Variants in SNX32 observed in about 807,000 individuals in gnomAD.
SNX32 encodes sorting nexin 32, also known as sorting nexin-32.
SNX32 carries 58 observed loss-of-function variants against 57.0 expected under a neutral mutation model. The observed-to-expected ratio is 1.02, with a 90% CI of 0.82 to 1.27. SNX32 has a LOEUF of 1.27. Ranked by LOEUF, SNX32 falls within the 50% of genes most tolerant of loss-of-function variation. SNX32 has a pLI of 0.00. For missense variants in SNX32, 589 were observed against 541.2 expected, an observed-to-expected ratio of 1.09 and a Z score of -0.88; for synonymous variants, 262 against 220.4, an observed-to-expected ratio of 1.19 and a Z score of -1.67.
At chr11:65,849,090 G>A (rs572378331) in intron 1 of SNX32, among the ~76,000 whole-genome samples, 1 of 152,290 alleles carries the variant, frequency 6.6e-6, no homozygotes, top group Non-Finnish European at 1.5e-5. Context: ...GTTGCAGTGA[G>A]CTGAGATCGC....
At position 65,852,570 on chromosome 11, in the gene SNX32, G is replaced by GC. The variant is rs746391168; in HGVS notation, c.912+20dup. On this transcript the variant is annotated intron_variant, in intron 10 of 12. Coordinates refer to ENST00000308342, the MANE Select transcript of SNX32 (RefSeq NM_152760.3). ...AGCCAAGGTGAGAGGCAGCCCCAGC[G>GC]CAGCGCTCAGGCCCGGATGCCAGGA... 5 of 1,613,826 alleles carry GC rather than the reference G, an allele frequency of 3.1e-6. No homozygotes were observed. In the South Asian group the frequency reaches 5.5e-5, roughly 18 times the overall value.
intron 1 of SNX32, 27 bp from the exon 2 acceptor site, chr11:65,849,450 CA>C: frequency 6.4e-7 from 1 of 1,564,384 alleles, no homozygotes; most frequent in Non-Finnish European, 8.7e-7. Flanking sequence ...CATGCTCAGC[CA>C]GGCCAGAGAC....
At chr11:65,850,295 C>A (rs565487456) in intron 4 of SNX32, 24 bp downstream of exon 4, 24 of 1,613,974 alleles carry the variant, frequency 1.5e-5, no homozygotes, top group Non-Finnish European at 1.5e-5. Context: ...CCTTTCCCTG[C>A]CATCCCCAGA....
intron 9 of SNX32, among the ~76,000 whole-genome samples, chr11:65,852,254 C>T (rs1173876936): frequency 2.0e-5 from 3 of 152,148 alleles, no homozygotes; most frequent in East Asian, 3.9e-4. Context: ...CCCTCAGCGC[C>T]CTCTGTCCAG....
chr11:65,853,656 C>T lies in SNX32; in HGVS notation c.*321C>T, dbSNP rs1591044150. On this transcript the variant is annotated 3_prime_UTR_variant, in exon 13 of 13. Transcript: ENST00000308342. ...CTGAAGGAATCATAGCTCACTTGATCCCGGCCTGTTCTCCTTCGCAAATAA... is the reference window on the plus strand; with the variant it reads ...CTGAAGGAATCATAGCTCACTTGATTCCGGCCTGTTCTCCTTCGCAAATAA... 2.4e-6 allele frequency: 1 copy of T among 423,118 alleles called. No individual in the cohort carries two copies. Among genetic ancestry groups the T allele is most frequent in the Non-Finnish European group, 4.3e-6 (1 of 231,628 alleles). The allele number at this position is 423,118 out of a possible 1,614,324, so 26.2% of individuals were successfully genotyped here. A position where few individuals can be genotyped will look rare whatever the true frequency, so the allele number is the denominator to read the frequency against.
Position 65,833,973 on chromosome 11 carries a change from A to C in SNX32, c.-93A>C. Reference sequence around the variant, plus strand: ...GGGGAGAGCGTCCCCGTCAGCTGAGAGCATCCTCACTCGGTCAGTTCCTCG... The same window carrying C: ...GGGGAGAGCGTCCCCGTCAGCTGAGCGCATCCTCACTCGGTCAGTTCCTCG... On this transcript the variant is annotated 5_prime_UTR_variant, in exon 1 of 13. Transcript: ENST00000308342. 2 of 1,417,270 alleles carry C rather than the reference A, an allele frequency of 1.4e-6. No homozygotes were observed. Among genetic ancestry groups the C allele is most frequent in the Non-Finnish European group, 1.9e-6 (2 of 1,039,238 alleles). 87.8% of individuals were successfully genotyped at this position (1,417,270 alleles called of 1,614,324 possible). A position where few individuals can be genotyped will look rare whatever the true frequency, so the allele number is the denominator to read the frequency against.
intron 1 of SNX32, among the ~76,000 whole-genome samples, chr11:65,844,458 T>TAG (rs985394399): frequency 4.0e-5 from 6 of 148,746 alleles, no homozygotes; most frequent in Non-Finnish European, 7.4e-5. Flanking sequence ...AAATAATAAA[T>TAG]AGAGAGAGAG....
At chr11:65,851,492 G>A in intron 8 of SNX32, 89 bp downstream of exon 8, 2 of 1,532,402 alleles carry the variant, frequency 1.3e-6, no homozygotes, top group South Asian at 1.1e-5. Flanking sequence ...TCTACTGTCA[G>A]CTCTAGGTGG....
chr11:65,837,617 C>T (rs964780059), intron 1 of SNX32, among the ~76,000 whole-genome samples: 22 of 150,916 alleles, frequency 1.5e-4, no homozygotes, highest in African/African-American at 2.2e-4. Context: ...GTCAGGAGTT[C>T]GAGACCAGCC....
At chr11:65,849,096 A>G (rs953357096) in intron 1 of SNX32, among the ~76,000 whole-genome samples, 1 of 152,146 alleles carries the variant, frequency 6.6e-6, no homozygotes, top group African/African-American at 2.4e-5. Flanking sequence ...GTGAGCTGAG[A>G]TCGCGCCACT....
Position 65,853,406 on chromosome 11 carries a change from G to A in SNX32, c.*71G>A, listed in dbSNP as rs771460958. The A allele has an allele frequency of 1.9e-5, 28 of 1,482,290 alleles. No individual in the cohort carries two copies. The highest frequency in any genetic ancestry group is 3.4e-5 in the Admixed American group (2 of 59,670). The allele number at this position is 1,482,290 out of a possible 1,614,324, so 91.8% of individuals were successfully genotyped here. ...CAGGGTATCCCAGACCCCTCTCTCC[G>A]GCAAGATGTCTCCTTCCCTAGCAGT... On this transcript the variant is annotated 3_prime_UTR_variant, in exon 13 of 13. Coordinates refer to ENST00000308342, the MANE Select transcript of SNX32 (RefSeq NM_152760.3).
intron 1 of SNX32, among the ~76,000 whole-genome samples, chr11:65,836,055 G>A (rs1042397813): frequency 2.0e-5 from 3 of 152,090 alleles, no homozygotes; most frequent in African/African-American, 4.8e-5. Context: ...TATTTTTGCT[G>A]TATGTTCTGA....
intron 1 of SNX32, among the ~76,000 whole-genome samples, chr11:65,846,063 G>A (rs529346406): frequency 6.6e-6 from 1 of 152,332 alleles, no homozygotes; most frequent in Admixed American, 6.5e-5. Flanking sequence ...CCTGAGGTCA[G>A]GAGTTCAAGA....
chr11:65,849,610 G>T lies in SNX32; in HGVS notation c.141+28G>T, dbSNP rs755256787. On this transcript the variant is annotated intron_variant, in intron 2 of 12. Coordinates refer to ENST00000308342, the MANE Select transcript of SNX32 (RefSeq NM_152760.3). ...GAGGCAGTGCGGGGCACGAGGAAAGGTCCTGGTGGCTGCCCGCAGGAGGCC... is the reference window on the plus strand; with the variant it reads ...GAGGCAGTGCGGGGCACGAGGAAAGTTCCTGGTGGCTGCCCGCAGGAGGCC... 5.0e-6 allele frequency: 8 copies of T among 1,592,004 alleles called. No individual in the cohort carries two copies. In the South Asian group the frequency reaches 7.7e-5, roughly 15 times the overall value.
intron 7 of SNX32, 59 bp downstream of exon 7, chr11:65,851,219 C>T: frequency 6.2e-7 from 1 of 1,600,144 alleles, no homozygotes; most frequent in Non-Finnish European, 8.5e-7. Context: ...GGTTCAACTC[C>T]TTGGGGGAGA....
Position 65,849,545 on chromosome 11 carries a change from G to A in SNX32, c.104G>A (p.Ser35Asn), listed in dbSNP as rs756133012. ...SLQVEISDAV[S>N]ERDKVKFTVQ... ...CAGGTGGAGATTTCTGACGCAGTGA[G>A]TGAGCGGGACAAGGTGAAATTCACT... The change falls in exon 2 of 13, where the codon AGT (serine) becomes AAT (asparagine). Residue 35 changes from serine (S) to asparagine (N), a missense_variant. Transcript: ENST00000308342. The A allele has an allele frequency of 3.7e-6, 6 of 1,614,232 alleles. No homozygotes were observed. Among genetic ancestry groups the A allele is most frequent in the Non-Finnish European group, 5.1e-6 (6 of 1,180,020 alleles).
Position 65,850,432 on chromosome 11 carries a change from G to GAGT in SNX32, c.378_380dup (p.Glu126_Tyr127insTer), listed in dbSNP as rs1213892312. On this transcript the variant is annotated stop_gained and inframe_insertion and splice_region_variant, in exon 5 of 13. Coordinates refer to ENST00000308342, the MANE Select transcript of SNX32 (RefSeq NM_152760.3). LOFTEE classifies it high-confidence loss of function. ...GGTGAGCTGCTGCCACTCTCGCAGG[G>GAGT]AGTACCTGGCCATCTTTAAGAAGAC... 1.6e-5 allele frequency: 26 copies of GAGT among 1,614,202 alleles called. No homozygotes were observed. The highest frequency in any genetic ancestry group is 2.2e-5 in the Non-Finnish European group (26 of 1,180,014).
intron 1 of SNX32, among the ~76,000 whole-genome samples, chr11:65,837,159 A>C (rs1026986002): frequency 1.3e-5 from 2 of 152,156 alleles, no homozygotes; most frequent in Non-Finnish European, 2.9e-5. Context: ...CAGGAATAAA[A>C]ACAGATGGGA....
chr11:65,835,595 G>A (rs1345286078), intron 1 of SNX32: 1 of 152,354 alleles, frequency 6.6e-6, no homozygotes, highest in Non-Finnish European at 1.5e-5. Flanking sequence ...TATGCATAGT[G>A]GGCCGTGGCT....
Sources: allele counts gnomAD v4.1 joint callset (sites outside exome capture counted in the v4.1 genomes callset), GRCh38; gene constraint gnomAD v4.1.1; transcripts MANE v1.5; gene names NCBI Gene and HGNC (gene_info 2026-07-23, HGNC 2026-07-21).